The following ATP6V1C1 variants were observed in gnomAD, a reference collection of about 807,000 sequenced individuals.
ATP6V1C1 encodes the protein V-type proton ATPase subunit C 1.
In ATP6V1C1, 45 loss-of-function variants were observed where a neutral mutation model predicts 53.9. The observed-to-expected ratio is 0.83, with a 90% CI of 0.66 to 1.07. ATP6V1C1 has a LOEUF of 1.07. Among genes scored for constraint, ATP6V1C1 ranks in the 50% least tolerant of loss-of-function variants. ATP6V1C1 has a pLI of 0.00. For missense variants in ATP6V1C1, 315 were observed against 440.3 expected, an observed-to-expected ratio of 0.72 and a Z score of 2.55; for synonymous variants, 153 against 155.2, an observed-to-expected ratio of 0.99 and a Z score of 0.11.
Position 103,052,711 on chromosome 8 carries a change from C to T in ATP6V1C1, c.382-20C>T, listed in dbSNP as rs773383285. On this transcript the variant is annotated intron_variant, in intron 5 of 12. Transcript: ENST00000518738. ...ATTTAGGAAAATTTTATCTATTTTT[C>T]TTCTTTTTCTTTTTCAAAGGGAGTA... 2 of 1,512,906 alleles carry T rather than the reference C, an allele frequency of 1.3e-6. No individual in the cohort carries two copies. Among genetic ancestry groups the T allele is most frequent in the East Asian group, 2.4e-5 (1 of 41,472 alleles). The allele number at this position is 1,512,906 out of a possible 1,614,324, so 93.7% of individuals were successfully genotyped here. A position where few individuals can be genotyped will look rare whatever the true frequency, so the allele number is the denominator to read the frequency against.
At chr8:103,054,428 T>C (rs1376151009) in intron 7 of ATP6V1C1, among the ~76,000 whole-genome samples, 3 of 152,116 alleles carry the variant, frequency 2.0e-5, no homozygotes, top group African/African-American at 7.2e-5. Flanking sequence ...ATAGTAAGTA[T>C]TGTAGGCTTT....
At chr8:103,041,626 C>T (rs1361426798) in intron 2 of ATP6V1C1, among the ~76,000 whole-genome samples, 1 of 152,126 alleles carries the variant, frequency 6.6e-6, no homozygotes, top group Non-Finnish European at 1.5e-5. Context: ...AAACCTAGCA[C>T]TTTGGGAGGC....
chr8:103,045,679 C>T (rs188980946), intron 3 of ATP6V1C1, among the ~76,000 whole-genome samples: 4 of 152,146 alleles, frequency 2.6e-5, no homozygotes, highest in Admixed American at 2.0e-4. Flanking sequence ...TGGTGGCTCA[C>T]GCCTGTAATC....
rs144046262 is a variant in ATP6V1C1 at position 103,053,995 on chromosome 8, A to G, written c.572+13A>G. 3.0e-4 allele frequency: 475 copies of G among 1,586,620 alleles called. 1 individual carries two copies. In the African/African-American group the frequency reaches 3.8e-3, roughly 13 times the overall value. On this transcript the variant is annotated intron_variant, in intron 7 of 12. Coordinates refer to ENST00000518738, the MANE Select transcript of ATP6V1C1 (RefSeq NM_001695.5). ...TAGTAGTTCCCAAGTAAGTCTTTCTATTATAAAAGGTTTTACTTGTTAAAA... is the reference window on the plus strand; with the variant it reads ...TAGTAGTTCCCAAGTAAGTCTTTCTGTTATAAAAGGTTTTACTTGTTAAAA...
Position 103,031,961 on chromosome 8 carries a change from G to A in ATP6V1C1, c.-39-8837G>A, listed in dbSNP as rs1222034621. ...GCAGAGTAAATACTTGTGACCTTGG[G>A]ATAGGCAGGTTTTTCACATGCTACA... On this transcript the variant is annotated intron_variant, in intron 1 of 12. Transcript: ENST00000518738. Among the ~76,000 whole-genome samples the A allele has an allele frequency of 2.6e-5, 4 of 151,744 alleles. No individual in the cohort carries two copies. The South Asian group carries it at 8.3e-4, about 32-fold the overall frequency.
rs1817587765 is a variant in ATP6V1C1 at position 103,071,574 on chromosome 8, A to G, written c.*2827A>G. ...TATAGGAAAGATATTCGGTATGGAG[A>G]ATCAGATGTTAACTTGTGTTGCTAT... On this transcript the variant is annotated 3_prime_UTR_variant, in exon 13 of 13. Coordinates refer to ENST00000518738, the MANE Select transcript of ATP6V1C1 (RefSeq NM_001695.5). 6.6e-6 allele frequency: 1 copy of G among 152,298 alleles called. No individual in the cohort carries two copies. Among genetic ancestry groups the G allele is most frequent in the Non-Finnish European group, 1.5e-5 (1 of 68,174 alleles). The allele number at this position is 152,298 out of a possible 1,614,324, so 9.4% of individuals were successfully genotyped here. A position where few individuals can be genotyped will look rare whatever the true frequency, so the allele number is the denominator to read the frequency against.
At position 103,068,763 on chromosome 8, in the gene ATP6V1C1, C is replaced by A; in HGVS notation, c.*16C>A. ...ATTCAAGTGAAAATGGGCTCCTCCC[C>A]CGACAATCCTGTCCTTGTGTTTGTG... is the stretch of plus-strand genomic sequence containing the variant. On this transcript the variant is annotated 3_prime_UTR_variant, in exon 13 of 13. Coordinates refer to ENST00000518738, the MANE Select transcript of ATP6V1C1 (RefSeq NM_001695.5). The A allele has an allele frequency of 6.3e-7, 1 of 1,592,552 alleles. No individual in the cohort carries two copies. Among genetic ancestry groups the A allele is most frequent in the Non-Finnish European group, 8.6e-7 (1 of 1,163,470 alleles).
At chr8:103,026,571 G>A (rs1321977963) in intron 1 of ATP6V1C1, among the ~76,000 whole-genome samples, 1 of 152,132 alleles carries the variant, frequency 6.6e-6, no homozygotes, top group Non-Finnish European at 1.5e-5. Context: ...TTTGGGAAGC[G>A]GAGGCAAAGG....
intron 3 of ATP6V1C1, among the ~76,000 whole-genome samples, chr8:103,048,485 C>T (rs1310452941): frequency 6.6e-6 from 1 of 152,182 alleles, no homozygotes; most frequent in East Asian, 1.9e-4. Flanking sequence ...TCTTGCATGT[C>T]ATAGGAACAT....
At chr8:103,045,616 T>A (rs527428260) in intron 3 of ATP6V1C1, among the ~76,000 whole-genome samples, 2 of 152,254 alleles carry the variant, frequency 1.3e-5, no homozygotes, top group South Asian at 4.1e-4. Flanking sequence ...GAAAGAATAG[T>A]CTCTTGGTTC....
At chr8:103,054,361 A>G (rs1167358918) in intron 7 of ATP6V1C1, among the ~76,000 whole-genome samples, 2 of 152,094 alleles carry the variant, frequency 1.3e-5, no homozygotes, top group Non-Finnish European at 1.5e-5. Context: ...TAAGCACTGT[A>G]AGAAGCAAAG....
intron 1 of ATP6V1C1, among the ~76,000 whole-genome samples, chr8:103,031,578 C>T (rs975320365): frequency 1.3e-5 from 2 of 152,126 alleles, no homozygotes; most frequent in African/African-American, 2.4e-5. Context: ...AATCAGATTT[C>T]AAGGTAACGT....
Position 103,062,912 on chromosome 8 carries a change from C to T in ATP6V1C1, c.642-43C>T, listed in dbSNP as rs781292899. On this transcript the variant is annotated intron_variant, in intron 8 of 12. Transcript: ENST00000518738. ...ATTTTGCCCTTAATATGAAAGACAG[C>T]AATACGTATAAATCTTTAAATGGAC... 3.2e-6 allele frequency: 5 copies of T among 1,560,194 alleles called. No homozygotes were observed. The South Asian group carries it at 5.6e-5, about 18-fold the overall frequency.
At position 103,066,351 on chromosome 8, in the gene ATP6V1C1, G is replaced by A; in HGVS notation, c.957G>A (p.Met319Ile). Residue 319 changes from methionine (M) to isoleucine (I), a missense_variant, in exon 12 of 13, where the codon ATG becomes ATA. Coordinates refer to ENST00000518738, the MANE Select transcript of ATP6V1C1 (RefSeq NM_001695.5). The part of the protein sequence containing the change: ...RYGLPVNFQA[M>I]LLQPNKKTLK... ...GCTTGCCAGTGAACTTCCAAGCAAT[G>A]CTACTTCAGCCCAATAAGAAAACTT... The A allele has an allele frequency of 6.2e-7, 1 of 1,613,192 alleles. No individual in the cohort carries two copies. The highest frequency in any genetic ancestry group is 8.5e-7 in the Non-Finnish European group (1 of 1,179,786).
At chr8:103,061,945 CAAA>C (rs1817406084) in intron 8 of ATP6V1C1, among the ~76,000 whole-genome samples, 2 of 152,086 alleles carry the variant, frequency 1.3e-5, no homozygotes, top group Non-Finnish European at 2.9e-5. Context: ...ATTCACCTTT[CAAA>C]CAGTGGACTT....
chr8:103,024,541 A>G (rs550078476), intron 1 of ATP6V1C1, among the ~76,000 whole-genome samples: 1 of 152,348 alleles, frequency 6.6e-6, no homozygotes, highest in African/African-American at 2.4e-5. Flanking sequence ...TACAGTTTTG[A>G]CTGAGTACCT....
intron 8 of ATP6V1C1, 47 bp downstream of exon 8, chr8:103,055,983 T>G (rs747118784): frequency 6.4e-7 from 1 of 1,567,052 alleles, no homozygotes; most frequent in South Asian, 1.1e-5. Context: ...GAATTCCTTT[T>G]AGAGTTTGGA....
Position 103,053,894 on chromosome 8 carries a change from C to T in ATP6V1C1, c.484C>T (p.Leu162=). The T allele has an allele frequency of 1.2e-6, 2 of 1,610,436 alleles. No homozygotes were observed. The highest frequency in any genetic ancestry group is 1.1e-5 in the South Asian group (1 of 90,414). The stretch of plus-strand genomic sequence containing the variant: ...GTTTTAATTCCTCAGAGGAAGTTTG[C>T]TAACTAGAAGTCTAGCAGAAATTGT... The part of the protein sequence containing the change: ...NLERKNAGSL[L]TRSLAEIVKK... Residue 162 remains leucine (L), a synonymous_variant, in exon 7 of 13, where the codon CTA becomes TTA. Transcript: ENST00000518738.
chr8:103,053,155 TACCTATC>T (rs1320981769), intron 6 of ATP6V1C1, among the ~76,000 whole-genome samples: 1 of 152,066 alleles, frequency 6.6e-6, no homozygotes, highest in Non-Finnish European at 1.5e-5. Context: ...GCATAGTAAT[TACCTATC>T]ACTTAACTAT....
Sources: allele counts gnomAD v4.1 joint callset (sites outside exome capture counted in the v4.1 genomes callset), GRCh38; gene constraint gnomAD v4.1.1; transcripts MANE v1.5; gene names NCBI Gene and HGNC (gene_info 2026-07-23, HGNC 2026-07-21).